GGA2: variants seen among roughly 807,000 people sequenced by gnomAD.
GGA2 encodes the protein ADP-ribosylation factor-binding protein GGA2.
GGA2 carries 48 observed loss-of-function variants against 79.5 expected under a neutral mutation model. The ratio of observed to expected loss-of-function variants is 0.60; its 90% CI spans 0.48 to 0.77. The LOEUF is 0.77. Ranked by LOEUF, GGA2 falls within the 30% of genes least tolerant of loss-of-function variation. The probability of loss-of-function intolerance (pLI) is 0.00; values close to 1 mark genes in which losing one functional copy is unlikely to be tolerated. For synonymous variants in GGA2, 317 were observed against 302.0 expected (o/e 1.05, Z -0.51); for missense variants, 770 against 774.0 (o/e 0.99, Z 0.06).
chr16:23,492,873 C>T (rs1351585572), intron 4 of GGA2, among the ~76,000 whole-genome samples: 1 of 152,152 alleles, frequency 6.6e-6, no homozygotes, highest in African/African-American at 2.4e-5. Context: ...GGGTAGCATG[C>T]AACTCAGGGG....
intron 1 of GGA2, among the ~76,000 whole-genome samples, chr16:23,503,160 GCT>G (rs1281143922): frequency 6.6e-6 from 1 of 152,110 alleles, no homozygotes; most frequent in Non-Finnish European, 1.5e-5. Context: ...TCTTGTGTTT[GCT>G]TTCACAATAC....
At chr16:23,487,700 C>A (rs1372641875) in intron 6 of GGA2, among the ~76,000 whole-genome samples, 1 of 151,966 alleles carries the variant, frequency 6.6e-6, no homozygotes, top group Non-Finnish European at 1.5e-5. Flanking sequence ...CTCCTCCCAC[C>A]CTCTGCAAAC....
At position 23,486,142 on chromosome 16, in the gene GGA2, T is replaced by C; in HGVS notation, c.671A>G (p.Lys224Arg). 6.2e-7 allele frequency: 1 copy of C among 1,613,976 alleles called. No individual in the cohort carries two copies. Among genetic ancestry groups the C allele is most frequent in the Non-Finnish European group, 8.5e-7 (1 of 1,179,902 alleles). Residue 224 changes from lysine to arginine, a missense_variant, in exon 8 of 17, where the codon AAA (lysine) becomes AGA (arginine). Lys to Arg is a conservative substitution (Grantham distance 26). Coordinates refer to ENST00000309859, the MANE Select transcript of GGA2 (RefSeq NM_015044.4). The part of the protein sequence containing the change: ...IKNLVKEEQE[K>R]SEKVSKRVSA... ...GACCCTCTTGGACACCTTCTCCGAT[T>C]TTTCTTGTTCCTTTTGGGAAAAAGA...
At chr16:23,494,272 A>C (rs1415857513) in intron 3 of GGA2, 31 bp downstream of exon 3, 6 of 1,404,782 alleles carry the variant, frequency 4.3e-6, no homozygotes, top group Non-Finnish European at 6.1e-6. Flanking sequence ...AAGGACAGGA[A>C]AGGTTAGGCT....
At chr16:23,510,578 G>C, upstream of GGA2, 1 of 387,408 alleles carries the variant, frequency 2.6e-6, no homozygotes, top group Non-Finnish European at 4.6e-6. Flanking sequence ...GGGACCGGCC[G>C]GAACATTTCT....
chr16:23,476,955 C>G (rs1010882172), intron 13 of GGA2, among the ~76,000 whole-genome samples: 1 of 152,110 alleles, frequency 6.6e-6, no homozygotes, highest in Non-Finnish European at 1.5e-5. Context: ...GGAAGCAGCA[C>G]ATTAAACTTT....
chr16:23,476,803 G>A (rs1020907272), intron 13 of GGA2, among the ~76,000 whole-genome samples: 2 of 152,088 alleles, frequency 1.3e-5, no homozygotes, highest in African/African-American at 2.4e-5. Context: ...TCAATTATAT[G>A]GTTATTAGAA....
intron 1 of GGA2, 151 bp downstream of exon 1, chr16:23,510,170 G>A (rs936533502): frequency 2.5e-6 from 1 of 397,816 alleles, no homozygotes; most frequent in Non-Finnish European, 4.3e-6. Context: ...GGACCCCTGG[G>A]CGATCTTCCC....
Position 23,493,463 on chromosome 16 carries a change from A to G in GGA2, c.253-5T>C. Reference sequence around the variant, plus strand: ...GTTCATGCACATCTCCAGCACCTGCACAGACACAGGACCCCCAGGAGAAGG... The same window carrying G: ...GTTCATGCACATCTCCAGCACCTGCGCAGACACAGGACCCCCAGGAGAAGG... On this transcript the variant is annotated splice_polypyrimidine_tract_variant and splice_region_variant and intron_variant, in intron 3 of 16. Coordinates refer to ENST00000309859, the MANE Select transcript of GGA2 (RefSeq NM_015044.4). 6.3e-7 allele frequency: 1 copy of G among 1,581,944 alleles called. No homozygotes were observed. The highest frequency in any genetic ancestry group is 8.7e-7 in the Non-Finnish European group (1 of 1,150,672).
chr16:23,513,909 A>G (rs1009641434), upstream of GGA2, among the ~76,000 whole-genome samples: 3 of 152,170 alleles, frequency 2.0e-5, no homozygotes, highest in Non-Finnish European at 4.4e-5. Flanking sequence ...ACCTAGGAAG[A>G]AGGAGTGATA....
intron 1 of GGA2, among the ~76,000 whole-genome samples, chr16:23,503,707 T>C (rs1232550612): frequency 6.6e-6 from 1 of 152,186 alleles, no homozygotes; most frequent in Non-Finnish European, 1.5e-5. Context: ...GCATACTGAA[T>C]AAAAGGAAAA....
intron 2 of GGA2, 177 bp downstream of exon 2, chr16:23,495,517 A>C (rs1964843716): frequency 2.5e-6 from 1 of 398,796 alleles, no homozygotes; most frequent in Non-Finnish European, 4.5e-6. Context: ...GGCAGGTCTC[A>C]AACTCCTGGG....
chr16:23,478,936 T>C (rs191719185), intron 11 of GGA2, 25 bp from the exon 12 acceptor site: 389 of 1,539,552 alleles, frequency 2.5e-4, no homozygotes, highest in Non-Finnish European at 3.2e-4. Flanking sequence ...TAGAGTGAGA[T>C]GCCTAACAGT....
At chr16:23,494,771 C>T (rs886466467) in intron 2 of GGA2, among the ~76,000 whole-genome samples, 7 of 152,196 alleles carry the variant, frequency 4.6e-5, no homozygotes. Flanking sequence ...GCCAAATATG[C>T]GACACCACAC....
At chr16:23,475,978 A>G (rs1299191458) in intron 13 of GGA2, among the ~76,000 whole-genome samples, 3 of 152,182 alleles carry the variant, frequency 2.0e-5, no homozygotes, top group African/African-American at 7.2e-5. Context: ...TCCACACATA[A>G]TAAGAACCCA....
chr16:23,478,478 C>T lies in GGA2; in HGVS notation c.1182G>A (p.Glu394=), dbSNP rs1287789325. Residue 394 remains glutamate (E), a synonymous_variant, in exon 13 of 17, where the codon GAG becomes GAA. Coordinates refer to ENST00000309859, the MANE Select transcript of GGA2 (RefSeq NM_015044.4). ...TGMVSGQNCC[E]EKRNPSSSTL... Reference sequence around the variant, plus strand: ...TGCTGGAGGAGGGATTCCTCTTTTCCTCACAGCAATTCTGACCAGAAACCT... The same window carrying T: ...TGCTGGAGGAGGGATTCCTCTTTTCTTCACAGCAATTCTGACCAGAAACCT... 2 of 1,609,806 alleles carry T rather than the reference C, an allele frequency of 1.2e-6. No individual in the cohort carries two copies. The highest frequency in any genetic ancestry group is 1.1e-5 in the South Asian group (1 of 90,572).
At chr16:23,521,860 C>T (rs1965146524) in exon 1 of GGA2, 2 of 455,910 alleles carry the variant, frequency 4.4e-6, no homozygotes, top group Non-Finnish European at 8.8e-6. Flanking sequence ...TCTGACAACA[C>T]TCAGTAGATC....
At chr16:23,516,792 G>C (rs1400170894) in intron 2 of GGA2, among the ~76,000 whole-genome samples, 2 of 151,980 alleles carry the variant, frequency 1.3e-5, no homozygotes, top group Admixed American at 6.6e-5. Flanking sequence ...CAGCAGGGAT[G>C]GCTAAAAATT....
At chr16:23,469,951 C>T (rs1224301380) in intron 15 of GGA2, 45 bp downstream of exon 15, 5 of 1,405,774 alleles carry the variant, frequency 3.6e-6, no homozygotes, top group Non-Finnish European at 4.7e-6. Context: ...ACCTGGCACT[C>T]AAAAACGACA....
Sources: allele counts gnomAD v4.1 joint callset (sites outside exome capture counted in the v4.1 genomes callset), GRCh38; gene constraint gnomAD v4.1.1; transcripts MANE v1.5; gene names NCBI Gene and HGNC (gene_info 2026-07-23, HGNC 2026-07-21).